FAM210A: variants seen among roughly 807,000 people sequenced by gnomAD.
FAM210A encodes the protein family with sequence similarity 210 member A.
In FAM210A, 13 loss-of-function variants were observed where a neutral mutation model predicts 25.3. The observed-to-expected ratio is 0.51, with a 90% CI of 0.33 to 0.82. FAM210A has a LOEUF of 0.82. Ranked by LOEUF, FAM210A falls within the 40% of genes least tolerant of loss-of-function variation. The pLI is 0.02. For missense variants in FAM210A, 319 were observed against 323.2 expected (o/e 0.99, Z 0.10); for synonymous variants, 125 against 118.7 (o/e 1.05, Z -0.35).
chr18:13,724,834 C>A (rs2043922209), intron 1 of FAM210A, among the ~76,000 whole-genome samples: 1 of 152,168 alleles, frequency 6.6e-6, no homozygotes, highest in Admixed American at 6.5e-5. Flanking sequence ...AGTGCAACGG[C>A]GCAATCTCGG....
At chr18:13,718,907 A>G (rs77434475) in intron 1 of FAM210A, among the ~76,000 whole-genome samples, 3,440 of 152,314 alleles carry the variant, frequency 0.023, 52 homozygotes, top group Non-Finnish European at 0.035. Flanking sequence ...TACTGTATCA[A>G]GCATATTTCA....
chr18:13,683,082 A>G (rs187011243), intron 1 of FAM210A, among the ~76,000 whole-genome samples: 15 of 152,274 alleles, frequency 9.9e-5, no homozygotes, highest in African/African-American at 3.4e-4. Context: ...GCCCATGTCC[A>G]CTACTAAAAT....
chr18:13,714,406 C>A (rs549997936), intron 1 of FAM210A, among the ~76,000 whole-genome samples: 3 of 152,126 alleles, frequency 2.0e-5, no homozygotes, highest in Non-Finnish European at 4.4e-5. Context: ...CTTGGAAAGG[C>A]ACAGAGTGTC....
intron 1 of FAM210A, among the ~76,000 whole-genome samples, chr18:13,693,220 G>C (rs1317281051): frequency 1.3e-5 from 2 of 152,158 alleles, no homozygotes; most frequent in African/African-American, 2.4e-5. Context: ...TCCCTGAATA[G>C]ACCAATAACA....
intron 1 of FAM210A, among the ~76,000 whole-genome samples, chr18:13,694,069 T>G (rs1336638169): frequency 1.3e-5 from 2 of 152,216 alleles, no homozygotes; most frequent in African/African-American, 4.8e-5. Flanking sequence ...CAAGCATTCC[T>G]ATACACCAAT....
intron 1 of FAM210A, among the ~76,000 whole-genome samples, chr18:13,699,586 T>C (rs1181319051): frequency 6.6e-6 from 1 of 152,222 alleles, no homozygotes; most frequent in African/African-American, 2.4e-5. Context: ...TTATCTGTAA[T>C]GGTGACATAA....
At chr18:13,698,075 G>A (rs755385193) in intron 1 of FAM210A, among the ~76,000 whole-genome samples, 7 of 152,062 alleles carry the variant, frequency 4.6e-5, no homozygotes, top group East Asian at 1.9e-4. Flanking sequence ...AGAACTGGCC[G>A]GGCGTGGTGG....
chr18:13,725,622 G>A (rs2052572684), intron 1 of FAM210A, among the ~76,000 whole-genome samples: 2 of 152,188 alleles, frequency 1.3e-5, no homozygotes, highest in Admixed American at 6.5e-5. Context: ...GGGACTTGAC[G>A]CACGACGTTA....
rs544928831 is a variant in FAM210A, at chr18:13,722,753, C to T, written c.-29+3576G>A. ...CTCAGCTCTGTAGCTACAAGAGATACGGGTTTCTTTAGGGCAGACACAGAA... is the reference window on the plus strand; with the variant it reads ...CTCAGCTCTGTAGCTACAAGAGATATGGGTTTCTTTAGGGCAGACACAGAA... On this transcript the variant is annotated intron_variant, in intron 1 of 3. Transcript: ENST00000651643. Among the ~76,000 whole-genome samples the T allele has an allele frequency of 1.9e-4, 29 of 152,266 alleles. No individual in the cohort carries two copies. The South Asian group carries it at 4.6e-3, about 24-fold the overall frequency.
At chr18:13,670,049 C>T (rs927579768) in intron 3 of FAM210A, among the ~76,000 whole-genome samples, 1 of 152,192 alleles carries the variant, frequency 6.6e-6, no homozygotes, top group African/African-American at 2.4e-5. Context: ...ATGACGCCTA[C>T]AGCCTCATTT....
In FAM210A at chr18:13,664,467, A is replaced by G. The variant is rs1296877501; in HGVS notation, c.*2013T>C. The G allele has an allele frequency of 6.6e-6, 1 of 152,262 alleles. No individual in the cohort carries two copies. The highest frequency in any genetic ancestry group is 2.4e-5 in the African/African-American group (1 of 41,474). The allele number at this position is 152,262 out of a possible 1,614,324, so 9.4% of individuals were successfully genotyped here. On this transcript the variant is annotated 3_prime_UTR_variant, in exon 4 of 4. Coordinates refer to ENST00000651643, the MANE Select transcript of FAM210A (RefSeq NM_152352.4). ...AAAAGAAACAAGGAACATGTTTAAT[A>G]TCTTAAAAAACAGCACTTAAACCTG... is the stretch of plus-strand genomic sequence containing the variant.
intron 1 of FAM210A, among the ~76,000 whole-genome samples, chr18:13,707,179 G>A (rs968552642): frequency 1.1e-4 from 17 of 152,132 alleles, no homozygotes; most frequent in African/African-American, 4.1e-4. Flanking sequence ...CAAAATAATG[G>A]TAACTGAGAG....
At chr18:13,721,473 A>G (rs958465639) in intron 1 of FAM210A, among the ~76,000 whole-genome samples, 6 of 152,188 alleles carry the variant, frequency 3.9e-5, no homozygotes, top group Admixed American at 3.9e-4. Context: ...GTCAGGAATC[A>G]TCACCCCTGC....
intron 1 of FAM210A, among the ~76,000 whole-genome samples, chr18:13,702,751 C>T (rs1157661117): frequency 6.6e-6 from 1 of 152,202 alleles, no homozygotes; most frequent in Non-Finnish European, 1.5e-5. Context: ...GGTCCAATAC[C>T]TGGCTTAGGG....
intron 1 of FAM210A, among the ~76,000 whole-genome samples, chr18:13,697,071 G>T (rs571996751): frequency 6.6e-6 from 1 of 152,140 alleles, no homozygotes; most frequent in African/African-American, 2.4e-5. Context: ...ACAGTAATGC[G>T]CTGTACAGGT....
intron 1 of FAM210A, among the ~76,000 whole-genome samples, chr18:13,705,163 A>T (rs1353055863): frequency 1.3e-5 from 2 of 152,224 alleles, no homozygotes; most frequent in Non-Finnish European, 2.9e-5. Context: ...TTTCACGTTA[A>T]ATCAGCTGGT....
intron 1 of FAM210A, among the ~76,000 whole-genome samples, chr18:13,725,764 T>C (rs1212171273): frequency 6.6e-6 from 1 of 152,094 alleles, no homozygotes; most frequent in South Asian, 2.1e-4. Context: ...TCTGGGGTGA[T>C]GGCCAAAAAA....
intron 1 of FAM210A, among the ~76,000 whole-genome samples, chr18:13,706,352 TG>T (rs35089359): frequency 0.019 from 2,872 of 147,536 alleles, 37 homozygotes; most frequent in Middle Eastern, 0.064. Flanking sequence ...GAAATGAAAA[TG>T]GGGGGGGGTC....
At chr18:13,706,221 C>T (rs554313432) in intron 1 of FAM210A, among the ~76,000 whole-genome samples, 1 of 152,202 alleles carries the variant, frequency 6.6e-6, no homozygotes, top group Non-Finnish European at 1.5e-5. Flanking sequence ...AATTTCTCCC[C>T]AGAAAAAGAT....
Sources: gnomAD v4.1 joint callset for allele counts (sites outside exome capture counted in the v4.1 genomes callset) on GRCh38, gnomAD v4.1.1 for gene constraint, MANE v1.5 for transcripts, NCBI Gene and HGNC (gene_info 2026-07-23, HGNC 2026-07-21) for gene names.